The following BICRA variants were observed in gnomAD, a reference collection of about 807,000 sequenced individuals.
The protein encoded by BICRA is BRD4-interacting chromatin-remodeling complex-associated protein.
A neutral mutation model predicts 96.9 loss-of-function variants in BICRA; 31 were observed. The observed-to-expected ratio is 0.32, with a 90% CI of 0.24 to 0.43. The LOEUF is 0.43. Ranked by LOEUF, BICRA falls within the 20% of genes least tolerant of loss-of-function variation. The pLI, the probability that BICRA is intolerant of heterozygous loss-of-function variation, is 1.00. For missense variants in BICRA, 2,283 were observed against 2,190.3 expected (o/e 1.04, Z -0.84); for synonymous variants, 1,350 against 1,071.8 (o/e 1.26, Z -5.07).
intron 1 of BICRA, among the ~76,000 whole-genome samples, chr19:47,623,559 T>C (rs1223500252): frequency 6.6e-6 from 1 of 152,208 alleles, no homozygotes; most frequent in Non-Finnish European, 1.5e-5. Flanking sequence ...GTGGCCCATG[T>C]TCTCACCTCC....
chr19:47,663,813 C>G (rs1364435838), intron 1 of BICRA: 1 of 151,960 alleles, frequency 6.6e-6, no homozygotes, highest in African/African-American at 2.4e-5. Flanking sequence ...CACACACACA[C>G]ACATTATTGA....
chr19:47,687,553 T>G (rs1232782761), intron 7 of BICRA, among the ~76,000 whole-genome samples: 1 of 152,168 alleles, frequency 6.6e-6, no homozygotes, highest in Non-Finnish European at 1.5e-5. Context: ...TCTCAGCACT[T>G]TGGGAGGCCG....
At chr19:47,612,468 T>G (rs1971922859) in intron 1 of BICRA, among the ~76,000 whole-genome samples, 1 of 152,034 alleles carries the variant, frequency 6.6e-6, no homozygotes, top group African/African-American at 2.4e-5. Flanking sequence ...AGAATACCTT[T>G]GCCCCAGAAG....
At chr19:47,615,309 TTC>T (rs2071665682) in intron 1 of BICRA, among the ~76,000 whole-genome samples, 1 of 152,220 alleles carries the variant, frequency 6.6e-6, no homozygotes, top group South Asian at 2.1e-4. Context: ...AAGAAAGTTG[TTC>T]TCTTTCTCTC....
chr19:47,678,022 C>T (rs1972967626), intron 5 of BICRA, among the ~76,000 whole-genome samples: 1 of 152,326 alleles, frequency 6.6e-6, no homozygotes, highest in Non-Finnish European at 1.5e-5. Flanking sequence ...TGAAAACAGT[C>T]TCAGTTCTTA....
chr19:47,645,834 C>T (rs940322170), intron 1 of BICRA, among the ~76,000 whole-genome samples: 3 of 152,184 alleles, frequency 2.0e-5, no homozygotes, highest in South Asian at 4.1e-4. Context: ...CAGTGGCTCA[C>T]GCCTGTAATC....
intron 1 of BICRA, among the ~76,000 whole-genome samples, chr19:47,645,847 A>G (rs1057502115): frequency 3.3e-5 from 5 of 152,224 alleles, no homozygotes; most frequent in South Asian, 2.1e-4. Flanking sequence ...CTGTAATCCC[A>G]GCACTTTGGG....
chr19:47,665,587 A>G (rs1599833945), intron 1 of BICRA, among the ~76,000 whole-genome samples: 2 of 152,288 alleles, frequency 1.3e-5, no homozygotes, highest in Middle Eastern at 6.8e-3. Context: ...CTCCTGCCTC[A>G]GTCTCCTGAG....
At position 47,699,316 on chromosome 19, in the gene BICRA, C is replaced by T; in HGVS notation, c.3506C>T (p.Ser1169Leu). The change falls in exon 14 of 15, where the codon TCA becomes TTA. Residue 1169 changes from serine to leucine, a missense_variant. By Grantham distance (145) the Ser-to-Leu change is moderately radical. Transcript: ENST00000594866. The surrounding 1 kb of genome is among the most constrained non-coding windows in gnomAD (Gnocchi z 5.0). Reference protein sequence around the residue: ...LLEESRRVSPSAEMVMIDRMF... With the variant: ...LLEESRRVSPLAEMVMIDRMF... ...CCCCCACCCCAGAGGGTGAGCCCCTCAGCGGAGATGGTAATGATCGACCGA... is the reference window on the plus strand; with the variant it reads ...CCCCCACCCCAGAGGGTGAGCCCCTTAGCGGAGATGGTAATGATCGACCGA... 6.4e-7 allele frequency: 1 copy of T among 1,560,318 alleles called. No homozygotes were observed. The highest frequency in any genetic ancestry group is 8.7e-7 in the Non-Finnish European group (1 of 1,150,988).
At chr19:47,677,444 C>T (rs886797139) in intron 5 of BICRA, among the ~76,000 whole-genome samples, 2 of 152,214 alleles carry the variant, frequency 1.3e-5, no homozygotes, top group African/African-American at 4.8e-5. Context: ...CGCCTGTAAT[C>T]CCAGCACTTT....
intron 7 of BICRA, among the ~76,000 whole-genome samples, chr19:47,688,879 T>C (rs2123599709): frequency 6.6e-6 from 1 of 152,014 alleles, no homozygotes; most frequent in East Asian, 1.9e-4. Flanking sequence ...CGGGCTGGAG[T>C]GCAGTGGCGC....
intron 1 of BICRA, among the ~76,000 whole-genome samples, chr19:47,629,924 ATGC>A (rs1460234945): frequency 6.6e-6 from 1 of 152,062 alleles, no homozygotes; most frequent in Non-Finnish European, 1.5e-5. Context: ...TCTTCTCAAA[ATGC>A]TGGGATTACA....
chr19:47,677,802 C>T (rs189533170), intron 5 of BICRA, among the ~76,000 whole-genome samples: 3 of 152,352 alleles, frequency 2.0e-5, no homozygotes, highest in Admixed American at 1.3e-4. Context: ...ACCAGAACTA[C>T]GACTGCTTGT....
In BICRA at chr19:47,675,836, C is replaced by T. The variant is rs770019652; in HGVS notation, c.85-15C>T. 33 of 1,600,286 alleles carry T rather than the reference C, an allele frequency of 2.1e-5. No homozygotes were observed. Among genetic ancestry groups the T allele is most frequent in the African/African-American group, 4.0e-5 (3 of 74,780 alleles). ...TGCTGACTTTTGACCTTGGATGGGGCGGGTCTTGTTGCAGCTTGACAGTGA... is the reference window on the plus strand; with the variant it reads ...TGCTGACTTTTGACCTTGGATGGGGTGGGTCTTGTTGCAGCTTGACAGTGA... On this transcript the variant is annotated splice_polypyrimidine_tract_variant and intron_variant, in intron 4 of 14. Transcript: ENST00000594866. This position sits in a 1 kb window ranked among gnomAD's most constrained non-coding sequence, Gnocchi z 4.7.
chr19:47,629,901 A>G lies in BICRA; in HGVS notation c.-108+20733A>G, dbSNP rs140849910. Among the ~76,000 whole-genome samples, 1,489 of 152,120 alleles carry G rather than the reference A, an allele frequency of 9.8e-3. 28 individuals are homozygous for G. The highest frequency in any genetic ancestry group is 0.034 in the African/African-American group (1,429 of 41,506). ...TCTAACTCCTGACCTCAGGTGATCC[A>G]CCCGCTGTGGCCTCTTCTCAAAATG... On this transcript the variant is annotated intron_variant, in intron 1 of 14. Coordinates refer to ENST00000594866, the MANE Select transcript of BICRA (RefSeq NM_001394372.1).
chr19:47,680,304 C>A lies in BICRA; in HGVS notation c.1134C>A (p.Leu378=), dbSNP rs530067145. 3 of 1,552,776 alleles carry A rather than the reference C, an allele frequency of 1.9e-6. No individual in the cohort carries two copies. Among genetic ancestry groups the A allele is most frequent in the Non-Finnish European group, 1.7e-6 (2 of 1,157,778 alleles). ...CGTTTGCGCCCGCGGGCGCCACGCTCACCATCCAGGGCGAGCCGGGGGCGC... is the reference window on the plus strand; with the variant it reads ...CGTTTGCGCCCGCGGGCGCCACGCTAACCATCCAGGGCGAGCCGGGGGCGC... The part of the protein sequence containing the change: ...PKPFAPAGAT[L]TIQGEPGALP... Residue 378 remains leucine (L), a synonymous_variant, in exon 6 of 15, where the codon CTC becomes CTA. Transcript: ENST00000594866.
chr19:47,679,813 C>A lies in BICRA; in HGVS notation c.643C>A (p.Gln215Lys). The change falls in exon 6 of 15, where the codon CAA becomes AAA. Residue 215 changes from glutamine to lysine, a missense_variant. Transcript: ENST00000594866. Reference protein sequence around the residue: ...NVTLQPIPGLQGLPNGSPGGA... With the variant: ...NVTLQPIPGLKGLPNGSPGGA... The stretch of plus-strand genomic sequence containing the variant: ...GACACTGCAGCCCATCCCGGGCCTC[C>A]AAGGCCTGCCCAATGGCAGCCCTGG... 1 of 1,486,960 alleles carries A rather than the reference C, an allele frequency of 6.7e-7. No individual in the cohort carries two copies. 92.1% of individuals were successfully genotyped at this position (1,486,960 alleles called of 1,614,324 possible). A position where few individuals can be genotyped will look rare whatever the true frequency, so the allele number is the denominator to read the frequency against.
intron 1 of BICRA, among the ~76,000 whole-genome samples, chr19:47,610,999 C>G (rs1971898297): frequency 1.3e-5 from 2 of 152,178 alleles, no homozygotes; most frequent in South Asian, 4.1e-4. Context: ...AAGTACATTA[C>G]ACGCTGGCCA....
chr19:47,701,945 C>A lies in BICRA; in HGVS notation c.4213C>A (p.Pro1405Thr). Residue 1405 changes from proline to threonine, a missense_variant, in exon 15 of 15, where the codon CCC becomes ACC. Physicochemically the swap from Pro to Thr is conservative, Grantham distance 38 (BLOSUM62 -1). Transcript: ENST00000594866. The surrounding 1 kb of genome is among the most constrained non-coding windows in gnomAD (Gnocchi z 5.4). ...GGGCCCTGGCGCGCCGGAGGGGACG[C>A]CCGCAGGCAGGGCACGGGGAGGCAG... Reference protein sequence around the residue: ...VGGPGAPEGTPAGRARGGSPA... With the variant: ...VGGPGAPEGTTAGRARGGSPA... 2 of 1,442,594 alleles carry A rather than the reference C, an allele frequency of 1.4e-6. No homozygotes were observed. The highest frequency in any genetic ancestry group is 1.8e-6 in the Non-Finnish European group (2 of 1,108,156). 89.4% of individuals were successfully genotyped at this position (1,442,594 alleles called of 1,614,324 possible). A position where few individuals can be genotyped will look rare whatever the true frequency, so the allele number is the denominator to read the frequency against.
Sources: gnomAD v4.1 joint callset for allele counts (sites outside exome capture counted in the v4.1 genomes callset) on GRCh38, gnomAD v4.1.1 for gene constraint, Gnocchi (gnomAD v3.1) non-coding constraint, MANE v1.5 for transcripts, NCBI Gene and HGNC (gene_info 2026-07-23, HGNC 2026-07-21) for gene names.